The following LYPLAL1 variants were observed in gnomAD, a reference collection of about 807,000 sequenced individuals.
LYPLAL1 encodes lysophospholipase like 1.
In LYPLAL1, 23 loss-of-function variants were observed where a neutral mutation model predicts 19.7. That is an observed-to-expected ratio of 1.17 (90% CI 0.84 to 1.65). The LOEUF (loss-of-function observed/expected upper bound fraction) is 1.65, where lower values mean the gene tolerates loss of function less well. Ranked by LOEUF, LYPLAL1 falls within the 40% of genes most tolerant of loss-of-function variation. The pLI, the probability that LYPLAL1 is intolerant of heterozygous loss-of-function variation, is 0.00. For missense variants in LYPLAL1, 355 were observed against 279.4 expected (o/e 1.27, Z -1.93); for synonymous variants, 119 against 96.3 (o/e 1.24, Z -1.38).
the LYPLAL1 span, among the ~76,000 whole-genome samples, chr1:219,372,250 A>T: frequency 1.3e-5 from 2 of 152,204 alleles, no homozygotes; most frequent in Non-Finnish European, 2.9e-5. Flanking sequence ...GAGACAGGAA[A>T]CCTTTGCAAT....
At chr1:219,300,034 A>G in the LYPLAL1 span, among the ~76,000 whole-genome samples, 2 of 152,170 alleles carry the variant, frequency 1.3e-5, no homozygotes, top group Non-Finnish European at 2.9e-5. Context: ...GTTGGAGTGC[A>G]GTGGTACAAT....
the LYPLAL1 span, among the ~76,000 whole-genome samples, chr1:219,440,411 G>C: frequency 2.6e-5 from 4 of 152,026 alleles, no homozygotes; most frequent in Admixed American, 1.3e-4. Context: ...GTCTGGGAAG[G>C]AAATGTACAA....
rs746221586 is a variant in LYPLAL1, at chr1:219,185,031, AC to A, written c.191+5787del. Among the ~76,000 whole-genome samples, 70 of 151,868 alleles carry A rather than the reference AC, an allele frequency of 4.6e-4. 2 individuals carry two copies. Among genetic ancestry groups the A allele is most frequent in the Non-Finnish European group, 1.2e-4 (8 of 67,874 alleles). On this transcript the variant is annotated intron_variant, in intron 2 of 4. Coordinates refer to ENST00000366928, the MANE Select transcript of LYPLAL1 (RefSeq NM_138794.5). ...AAAATTCACTATTGAAATTACCTGG[AC>A]CTGAGATTTCCTTTTATGAAGGTTT...
At chr1:219,427,269 C>T in the LYPLAL1 span, among the ~76,000 whole-genome samples, 1,788 of 152,188 alleles carry the variant, frequency 0.012, 43 homozygotes, top group African/African-American at 0.041. Context: ...GACTTTCTTA[C>T]CTTATATATG....
chr1:219,198,040 C>G (rs1657753259), intron 3 of LYPLAL1, among the ~76,000 whole-genome samples: 1 of 152,122 alleles, frequency 6.6e-6, no homozygotes, highest in Non-Finnish European at 1.5e-5. Context: ...AAACCCCAAA[C>G]TTGGGGCTCA....
At chr1:219,291,211 A>G in the LYPLAL1 span, among the ~76,000 whole-genome samples, 1 of 152,224 alleles carries the variant, frequency 6.6e-6, no homozygotes, top group Non-Finnish European at 1.5e-5. Flanking sequence ...AAAATACTCA[A>G]ATAATATTTG....
chr1:219,348,688 T>C, the LYPLAL1 span, among the ~76,000 whole-genome samples: 2 of 152,282 alleles, frequency 1.3e-5, no homozygotes, highest in Admixed American at 1.3e-4. Context: ...GTCTAGCAAA[T>C]GTTCAGAAGA....
chr1:219,235,969 C>T, the LYPLAL1 span, among the ~76,000 whole-genome samples: 20 of 152,206 alleles, frequency 1.3e-4, no homozygotes, highest in Non-Finnish European at 2.6e-4. Flanking sequence ...AGCAGCCTTT[C>T]TATCAAAGAA....
chr1:219,307,947 C>T, the LYPLAL1 span, among the ~76,000 whole-genome samples: 1 of 152,152 alleles, frequency 6.6e-6, no homozygotes, highest in African/African-American at 2.4e-5. Context: ...TTGGGTATGT[C>T]TTTATCAGCA....
At chr1:219,354,813 TA>T in the LYPLAL1 span, among the ~76,000 whole-genome samples, 5 of 151,946 alleles carry the variant, frequency 3.3e-5, no homozygotes, top group Non-Finnish European at 2.9e-5. Flanking sequence ...CTCAAATTTA[TA>T]AAAAAAATTG....
chr1:219,192,739 G>A (rs368986980), intron 2 of LYPLAL1, among the ~76,000 whole-genome samples: 31 of 151,636 alleles, frequency 2.0e-4, no homozygotes, highest in Non-Finnish European at 3.7e-4. Context: ...GCCTGTGCAC[G>A]TATGTGTGTG....
chr1:219,436,875 A>G, the LYPLAL1 span, among the ~76,000 whole-genome samples: 18 of 152,376 alleles, frequency 1.2e-4, no homozygotes, highest in Admixed American at 1.2e-3. Flanking sequence ...CAACTTCTAA[A>G]TAACAATTTT....
the LYPLAL1 span, among the ~76,000 whole-genome samples, chr1:219,399,429 A>AG: frequency 6.6e-6 from 1 of 152,158 alleles, no homozygotes; most frequent in Non-Finnish European, 1.5e-5. Flanking sequence ...TGCCAGGATA[A>AG]GGGGGATGGA....
At chr1:219,216,814 C>T (rs944341890), downstream of LYPLAL1, among the ~76,000 whole-genome samples, 2 of 151,480 alleles carry the variant, frequency 1.3e-5, no homozygotes, top group Non-Finnish European at 3.0e-5. Context: ...AGGCTGCAAT[C>T]TGAAAACTGA....
the LYPLAL1 span, among the ~76,000 whole-genome samples, chr1:219,303,659 T>C: frequency 6.6e-6 from 1 of 152,238 alleles, no homozygotes; most frequent in Admixed American, 6.5e-5. Flanking sequence ...TGAAATCTCA[T>C]AGGGAAGCCC....
At chr1:219,426,443 T>C in the LYPLAL1 span, among the ~76,000 whole-genome samples, 1 of 152,180 alleles carries the variant, frequency 6.6e-6, no homozygotes, top group Non-Finnish European at 1.5e-5. Flanking sequence ...GTAGGTGTTT[T>C]TAAAGTACTA....
the LYPLAL1 span, among the ~76,000 whole-genome samples, chr1:219,367,582 C>A: frequency 6.6e-6 from 1 of 151,856 alleles, no homozygotes; most frequent in Admixed American, 6.6e-5. Context: ...AGGCCATCAT[C>A]GAGTATTCTC....
chr1:219,241,130 CTCTCTATATATA>C, the LYPLAL1 span, among the ~76,000 whole-genome samples: 6 of 71,098 alleles, frequency 8.4e-5, no homozygotes, highest in African/African-American at 1.4e-4. Context: ...CTCTCTCTCT[CTCTCTATATATA>C]TATATATATA....
intron 3 of LYPLAL1, among the ~76,000 whole-genome samples, chr1:219,202,686 AT>A (rs987192742): frequency 1.8e-4 from 27 of 151,506 alleles, no homozygotes; most frequent in African/African-American, 6.3e-4. Flanking sequence ...AAGTTAGGTA[AT>A]TTTTTTTTGA....
Sources: gnomAD v4.1 joint callset for allele counts (sites outside exome capture counted in the v4.1 genomes callset) on GRCh38, gnomAD v4.1.1 for gene constraint, MANE v1.5 for transcripts, NCBI Gene and HGNC (gene_info 2026-07-23, HGNC 2026-07-21) for gene names.